The following SMIM14 variants were observed in gnomAD, a reference collection of about 807,000 sequenced individuals.
The protein encoded by SMIM14 is small integral membrane protein 14, also known as chromosome 4 open reading frame 34.
Under a neutral mutation model 12.6 loss-of-function variants are expected in SMIM14, and 5 were observed. That is an observed-to-expected ratio of 0.40 (90% confidence interval 0.21 to 0.83). SMIM14 has a LOEUF of 0.83. Ranked by LOEUF, SMIM14 falls within the 40% of genes least tolerant of loss-of-function variation. SMIM14 has a pLI of 0.37. For synonymous variants in SMIM14, 30 were observed against 40.1 expected (o/e 0.75, Z 0.95); for missense variants, 86 against 119.1 (o/e 0.72, Z 1.29).
intron 2 of SMIM14, among the ~76,000 whole-genome samples, chr4:39,576,237 C>G (rs915357268): frequency 2.0e-5 from 3 of 150,826 alleles, no homozygotes; most frequent in African/African-American, 7.3e-5. Flanking sequence ...TTCTACAAAG[C>G]TTCTGGAATG....
At position 39,549,748 on chromosome 4, in the gene SMIM14, T is replaced by C. The variant is rs989243280; in HGVS notation, c.*2378A>G. 1.3e-5 allele frequency: 2 copies of C among 152,226 alleles called. No individual in the cohort carries two copies. The highest frequency in any genetic ancestry group is 4.8e-5 in the African/African-American group (2 of 41,446). The allele number at this position is 152,226 out of a possible 1,614,324, so 9.4% of individuals were successfully genotyped here. ...AATGCTATAGGGATTTAGCTCCATC[T>C]TAAGCCATTCTGGCCCTTTCTGCTC... On this transcript the variant is annotated 3_prime_UTR_variant, in exon 5 of 5. Coordinates refer to ENST00000295958, the MANE Select transcript of SMIM14 (RefSeq NM_174921.3).
Position 39,605,112 on chromosome 4 carries a change from C to G in SMIM14, c.34G>C (p.Val12Leu). The change falls in exon 2 of 5, where the codon GTT becomes CTT. Residue 12 changes from valine (V) to leucine (L), a missense_variant. Transcript: ENST00000295958. ...CTCATTGCATGTTCATGAGAGCAAA[C>G]ACATTCACAGGGATCAAATCCACCT... Reference protein sequence around the residue: ...AEGGFDPCECVCSHEHAMRRL... With the variant: ...AEGGFDPCECLCSHEHAMRRL... 6.2e-7 allele frequency: 1 copy of G among 1,609,364 alleles called. No homozygotes were observed. The highest frequency in any genetic ancestry group is 8.5e-7 in the Non-Finnish European group (1 of 1,178,852).
chr4:39,563,351 C>T lies in SMIM14; in HGVS notation c.125-6781G>A, dbSNP rs145866299. On this transcript the variant is annotated intron_variant, in intron 3 of 4. Transcript: ENST00000295958. ...TGATGGGATTACAGGCATGAGCCAC[C>T]GCCCCCGGCCCCTCTTCTTTCTCTA... Among the ~76,000 whole-genome samples, 773 of 152,292 alleles carry T rather than the reference C, an allele frequency of 5.1e-3. 5 individuals are homozygous for T. Among genetic ancestry groups the T allele is most frequent in the African/African-American group, 0.018 (728 of 41,558 alleles).
intron 1 of SMIM14, among the ~76,000 whole-genome samples, chr4:39,614,814 C>T (rs1715160248): frequency 6.6e-6 from 1 of 152,122 alleles, no homozygotes; most frequent in African/African-American, 2.4e-5. Context: ...CAATTCTTAG[C>T]ACAGAAAAGC....
At chr4:39,571,727 T>C (rs140635990) in intron 3 of SMIM14, among the ~76,000 whole-genome samples, 7 of 152,260 alleles carry the variant, frequency 4.6e-5, no homozygotes, top group African/African-American at 1.7e-4. Flanking sequence ...TGTTACAGAC[T>C]TATTTGCCAA....
chr4:39,622,304 G>A (rs13106226), intron 1 of SMIM14, among the ~76,000 whole-genome samples: 69,155 of 151,632 alleles, frequency 0.46, 16,145 homozygotes, highest in East Asian at 0.5. Flanking sequence ...GGATGGTCTC[G>A]ATCTCCTGAC....
chr4:39,614,095 A>C (rs1421289547), intron 1 of SMIM14, among the ~76,000 whole-genome samples: 1 of 151,162 alleles, frequency 6.6e-6, no homozygotes, highest in Non-Finnish European at 1.5e-5. Context: ...TGGGAGGCTG[A>C]AGCAGAATTG....
chr4:39,590,509 C>A (rs1714014071), intron 2 of SMIM14, among the ~76,000 whole-genome samples: 2 of 150,340 alleles, frequency 1.3e-5, no homozygotes, highest in Admixed American at 1.3e-4. Flanking sequence ...CACTAAAAAT[C>A]CATAGTTATC....
At chr4:39,595,608 A>ATTTTTT (rs71192880) in intron 2 of SMIM14, among the ~76,000 whole-genome samples, 32 of 135,550 alleles carry the variant, frequency 2.4e-4, no homozygotes, top group African/African-American at 8.9e-4. Flanking sequence ...TGTAACTACG[A>ATTTTTT]TTTTTTTTTT....
At chr4:39,587,495 C>CAAAA (rs71192879) in intron 2 of SMIM14, among the ~76,000 whole-genome samples, 2 of 77,384 alleles carry the variant, frequency 2.6e-5, no homozygotes, top group African/African-American at 5.2e-5. Context: ...GGCTCCATCT[C>CAAAA]AAAAAAAAAA....
chr4:39,576,842 G>A (rs1443677019), intron 2 of SMIM14, among the ~76,000 whole-genome samples: 2 of 150,058 alleles, frequency 1.3e-5, no homozygotes, highest in African/African-American at 4.9e-5. Flanking sequence ...CTCCCAGGGA[G>A]CTGGGATTAC....
intron 3 of SMIM14, among the ~76,000 whole-genome samples, chr4:39,560,647 A>G (rs879340151): frequency 6.6e-6 from 1 of 151,846 alleles, no homozygotes; most frequent in Admixed American, 6.6e-5. Flanking sequence ...CCCGTCTCAA[A>G]CAAAACAAAA....
chr4:39,559,760 C>G (rs897360997), intron 3 of SMIM14, among the ~76,000 whole-genome samples: 2 of 152,036 alleles, frequency 1.3e-5, no homozygotes, highest in African/African-American at 4.8e-5. Flanking sequence ...AAGAGCTGAG[C>G]TGGCCTAAGA....
At chr4:39,618,599 G>T (rs1715307989) in intron 1 of SMIM14, among the ~76,000 whole-genome samples, 1 of 136,784 alleles carries the variant, frequency 7.3e-6, no homozygotes, top group Non-Finnish European at 1.5e-5. Context: ...GCAGTGAATT[G>T]AGATCGCACC....
intron 2 of SMIM14, among the ~76,000 whole-genome samples, chr4:39,601,896 ATTACCACACC>A: frequency 6.7e-6 from 1 of 148,166 alleles, no homozygotes; most frequent in African/African-American, 2.5e-5. Flanking sequence ...GCAATGAGCT[ATTACCACACC>A]ACTGCATTTC....
chr4:39,572,437 T>C lies in SMIM14; in HGVS notation c.102A>G (p.Thr34=), dbSNP rs1446173401. ...TACATTCCTGAAGACACTCTGTGTC[T>C]GTGCAGTAGGACTGGGACTGCCGTA... is the stretch of plus-strand genomic sequence containing the variant. ...NLLRQSQSYC[T]DTECLQELPG... is the part of the protein sequence containing the mutation. The change falls in exon 3 of 5, where the codon ACA becomes ACG. Residue 34 remains threonine (T), a synonymous_variant. Coordinates refer to ENST00000295958, the MANE Select transcript of SMIM14 (RefSeq NM_174921.3). 6.2e-7 allele frequency: 1 copy of C among 1,611,800 alleles called. No individual in the cohort carries two copies. The highest frequency in any genetic ancestry group is 8.5e-7 in the Non-Finnish European group (1 of 1,178,944).
intron 2 of SMIM14, chr4:39,593,940 G>A (rs1034179041): frequency 6.6e-6 from 1 of 152,128 alleles, no homozygotes; most frequent in Non-Finnish European, 1.5e-5. Flanking sequence ...ATGCTCATGG[G>A]TAGGAAGAAT....
At chr4:39,637,935 T>C (rs1578377250) in intron 1 of SMIM14, among the ~76,000 whole-genome samples, 1 of 152,246 alleles carries the variant, frequency 6.6e-6, no homozygotes, top group East Asian at 1.9e-4. Context: ...ACTCTCTCGA[T>C]GCAAAAGTAA....
chr4:39,549,669 T>C lies in SMIM14; in HGVS notation c.*2457A>G, dbSNP rs1711567230. 1 of 152,172 alleles carries C rather than the reference T, an allele frequency of 6.6e-6. No individual in the cohort carries two copies. The highest frequency in any genetic ancestry group is 1.5e-5 in the Non-Finnish European group (1 of 68,036). The allele number at this position is 152,172 out of a possible 1,614,324, so 9.4% of individuals were successfully genotyped here. A position where few individuals can be genotyped will look rare whatever the true frequency, so the allele number is the denominator to read the frequency against. ...TGGCCTAACAGCTCAGAGAACAGATTGTTAGGATATATGGGCAAGCCTTCT... is the reference window on the plus strand; with the variant it reads ...TGGCCTAACAGCTCAGAGAACAGATCGTTAGGATATATGGGCAAGCCTTCT... On this transcript the variant is annotated 3_prime_UTR_variant, in exon 5 of 5. Coordinates refer to ENST00000295958, the MANE Select transcript of SMIM14 (RefSeq NM_174921.3).
Sources: gnomAD v4.1 joint callset for allele counts (sites outside exome capture counted in the v4.1 genomes callset) on GRCh38, gnomAD v4.1.1 for gene constraint, MANE v1.5 for transcripts, NCBI Gene and HGNC (gene_info 2026-07-23, HGNC 2026-07-21) for gene names.